Variants in FBXL17 observed in about 807,000 individuals in gnomAD.
FBXL17 encodes the protein F-box and leucine rich repeat protein 17.
FBXL17 carries 22 observed loss-of-function variants against 66.2 expected under a neutral mutation model. That is an observed-to-expected ratio of 0.33 (90% CI 0.24 to 0.47). FBXL17 has a LOEUF of 0.47. Ranked by LOEUF, FBXL17 falls within the 20% of genes least tolerant of loss-of-function variation. FBXL17 has a pLI of 1.00. For synonymous variants in FBXL17, 474 were observed against 400.5 expected (o/e 1.18, Z -2.19); for missense variants, 878 against 948.2 (o/e 0.93, Z 0.97).
chr5:108,328,294 A>G (rs1206228962), intron 4 of FBXL17, among the ~76,000 whole-genome samples: 1 of 152,106 alleles, frequency 6.6e-6, no homozygotes, highest in Non-Finnish European at 1.5e-5. Flanking sequence ...GTGGTCTCAG[A>G]GAATGACAGC....
At position 108,213,575 on chromosome 5, in the gene FBXL17, G is replaced by A. The variant is rs192025584; in HGVS notation, c.1614+10546C>T. ...CAATCCCTTGCGCTTCCTGGGTGAG[G>A]CAATGCCCCACCCTGCTTCAGCTTG... On this transcript the variant is annotated intron_variant, in intron 5 of 8. Transcript: ENST00000542267. Among the ~76,000 whole-genome samples, 74 of 152,258 alleles carry A rather than the reference G, an allele frequency of 4.9e-4. 1 individual carries two copies. The East Asian group carries it at 9.3e-3, about 19-fold the overall frequency.
intron 4 of FBXL17, among the ~76,000 whole-genome samples, chr5:108,296,086 TGAGG>T (rs1431865110): frequency 6.6e-6 from 1 of 151,558 alleles, no homozygotes; most frequent in African/African-American, 2.4e-5. Flanking sequence ...CTGGAATAGA[TGAGG>T]AAGACTGAAA....
chr5:107,926,884 T>A (rs1166296446), intron 7 of FBXL17, among the ~76,000 whole-genome samples: 1 of 152,134 alleles, frequency 6.6e-6, no homozygotes, highest in Admixed American at 6.6e-5. Context: ...TTGGAAACAT[T>A]TGTTTTTACT....
At chr5:108,042,854 C>T (rs1327973006) in intron 6 of FBXL17, among the ~76,000 whole-genome samples, 3 of 152,128 alleles carry the variant, frequency 2.0e-5, no homozygotes. Flanking sequence ...AACACTTTAA[C>T]AATATATGAG....
intron 4 of FBXL17, among the ~76,000 whole-genome samples, chr5:108,270,085 T>C (rs1223268846): frequency 6.6e-6 from 1 of 152,096 alleles, no homozygotes; most frequent in Non-Finnish European, 1.5e-5. Context: ...ATTTCAAATA[T>C]GTAGATTAAA....
chr5:107,979,217 T>C (rs1024049344), intron 7 of FBXL17, among the ~76,000 whole-genome samples: 2 of 152,244 alleles, frequency 1.3e-5, no homozygotes, highest in African/African-American at 4.8e-5. Context: ...CGGAATTATG[T>C]AATACTGAAA....
chr5:108,108,924 C>G (rs867630406), intron 6 of FBXL17, among the ~76,000 whole-genome samples: 7 of 151,892 alleles, frequency 4.6e-5, no homozygotes, highest in African/African-American at 1.7e-4. Context: ...GCTGGGATTA[C>G]AGGCATGCAC....
intron 6 of FBXL17, among the ~76,000 whole-genome samples, chr5:108,148,102 T>C (rs1751629756): frequency 6.6e-6 from 1 of 152,204 alleles, no homozygotes; most frequent in Non-Finnish European, 1.5e-5. Context: ...AACACTTGTA[T>C]ATATACGGGT....
chr5:108,360,819 T>C (rs1209588869), intron 3 of FBXL17, among the ~76,000 whole-genome samples: 2 of 152,118 alleles, frequency 1.3e-5, no homozygotes, highest in African/African-American at 4.8e-5. Context: ...TAAATTCAAT[T>C]GTCCTATCTT....
At chr5:107,985,766 C>T (rs1208835306) in intron 7 of FBXL17, among the ~76,000 whole-genome samples, 1 of 152,088 alleles carries the variant, frequency 6.6e-6, no homozygotes, top group African/African-American at 2.4e-5. Context: ...ATGCAAGAGG[C>T]AAATGGTCAA....
intron 4 of FBXL17, among the ~76,000 whole-genome samples, chr5:108,347,852 A>G (rs949456032): frequency 1.3e-5 from 2 of 152,224 alleles, no homozygotes; most frequent in South Asian, 4.1e-4. Context: ...CTCAAAAAAA[A>G]TTGTAAGATT....
At chr5:108,013,539 G>T (rs571838552) in intron 7 of FBXL17, among the ~76,000 whole-genome samples, 1 of 152,098 alleles carries the variant, frequency 6.6e-6, no homozygotes, top group African/African-American at 2.4e-5. Context: ...AAATATTGCA[G>T]TCTATGATGA....
chr5:107,971,552 C>T (rs1421903974), intron 7 of FBXL17, among the ~76,000 whole-genome samples: 2 of 152,016 alleles, frequency 1.3e-5, no homozygotes, highest in Admixed American at 1.3e-4. Context: ...AGTGTTCGCC[C>T]CTGATTCTCT....
chr5:108,001,570 G>A (rs998347977), intron 7 of FBXL17, among the ~76,000 whole-genome samples: 3 of 151,400 alleles, frequency 2.0e-5, no homozygotes, highest in Admixed American at 6.6e-5. Flanking sequence ...GTGCTATCTC[G>A]GCTCACTACA....
At chr5:108,310,813 T>A (rs1759078557) in intron 4 of FBXL17, among the ~76,000 whole-genome samples, 1 of 152,178 alleles carries the variant, frequency 6.6e-6, no homozygotes, top group African/African-American at 2.4e-5. Context: ...AATATGTGAC[T>A]TGTCAGGGTT....
intron 8 of FBXL17, chr5:107,878,284 TATA>T (rs1748674111): frequency 1.1e-6 from 1 of 943,486 alleles, no homozygotes; most frequent in African/African-American, 1.8e-5. Flanking sequence ...TAGTAGGCAA[TATA>T]ATTTTTTTTT....
chr5:108,059,654 A>G (rs994258355), intron 6 of FBXL17, among the ~76,000 whole-genome samples: 2 of 152,184 alleles, frequency 1.3e-5, no homozygotes, highest in African/African-American at 4.8e-5. Flanking sequence ...CCAAATGACC[A>G]TCATCGTCAG....
chr5:108,008,570 T>C (rs936126114), intron 7 of FBXL17, among the ~76,000 whole-genome samples: 1 of 152,198 alleles, frequency 6.6e-6, no homozygotes, highest in African/African-American at 2.4e-5. Flanking sequence ...TATATAGGTA[T>C]GCTACTATAA....
intron 5 of FBXL17, among the ~76,000 whole-genome samples, chr5:108,212,737 G>C (rs1754431509): frequency 6.6e-6 from 1 of 152,190 alleles, no homozygotes; most frequent in African/African-American, 2.4e-5. Flanking sequence ...TCTCCTGTGT[G>C]AGATGTCTGT....
Sources: allele counts gnomAD v4.1 joint callset (sites outside exome capture counted in the v4.1 genomes callset), GRCh38; gene constraint gnomAD v4.1.1; transcripts MANE v1.5; gene names NCBI Gene and HGNC (gene_info 2026-07-23, HGNC 2026-07-21).